The following ASS1 variants were observed in gnomAD, a reference collection of about 807,000 sequenced individuals.
ASS1 encodes argininosuccinate synthase.
A neutral mutation model predicts 60.5 loss-of-function variants in ASS1; 58 were observed. The ratio of observed to expected loss-of-function variants is 0.96; its 90% CI spans 0.78 to 1.19. The LOEUF (loss-of-function observed/expected upper bound fraction) is 1.19, where lower values mean the gene tolerates loss of function less well. Among genes scored for constraint, ASS1 ranks in the 50% most tolerant of loss-of-function variants. ASS1 has a pLI of 0.00. For missense variants in ASS1, 454 were observed against 547.3 expected (o/e 0.83, Z 1.70); for synonymous variants, 200 against 206.9 (o/e 0.97, Z 0.29).
chr9:130,498,746 G>A (rs912883627), intron 13 of ASS1, among the ~76,000 whole-genome samples: 7 of 152,180 alleles, frequency 4.6e-5, no homozygotes, highest in Admixed American at 1.3e-4. Flanking sequence ...CTCTGGTGGC[G>A]GGTGGCGGAA....
chr9:130,464,038 G>C, intron 4 of ASS1, 73 bp from the exon 5 acceptor site: 1 of 1,542,654 alleles, frequency 6.5e-7, no homozygotes, highest in Non-Finnish European at 9.0e-7. Context: ...GGCTGTCCTT[G>C]TCCTCACGTC....
At chr9:130,480,485 G>T in intron 11 of ASS1, 36 bp downstream of exon 11, 1 of 1,609,448 alleles carries the variant, frequency 6.2e-7, no homozygotes. Flanking sequence ...GCCTGCCTCG[G>T]GACCCAGCAA....
At chr9:130,473,416 G>A (rs1845921815) in intron 8 of ASS1, among the ~76,000 whole-genome samples, 1 of 152,128 alleles carries the variant, frequency 6.6e-6, no homozygotes, top group African/African-American at 2.4e-5. Flanking sequence ...GGCTGGGCTG[G>A]GCTAAGCTGG....
At chr9:130,479,149 G>A (rs567437977) in intron 9 of ASS1, among the ~76,000 whole-genome samples, 11 of 146,688 alleles carry the variant, frequency 7.5e-5, no homozygotes, top group South Asian at 2.4e-4. Context: ...CCAGCTCCTC[G>A]GATTCAGGGA....
In ASS1 at chr9:130,494,489, TC is replaced by T. The variant is rs1308076026; in HGVS notation, c.971-373del. ...TGAGTCCTGTCTGAGGTCTTCTGCC[TC>T]CCCCGGAGATTAGAGCCTCCATTGG... On this transcript the variant is annotated intron_variant, in intron 12 of 14. Transcript: ENST00000352480. The surrounding 1 kb of genome is among the most constrained non-coding windows in gnomAD (Gnocchi z 4.3). Among the ~76,000 whole-genome samples the T allele has an allele frequency of 3.2e-4, 49 of 152,152 alleles. 1 individual carries two copies. The highest frequency in any genetic ancestry group is 3.1e-3 in the Admixed American group (48 of 15,268).
Position 130,466,206 on chromosome 9 carries a change from C to G in ASS1, c.421-519C>G, listed in dbSNP as rs143289668. Among the ~76,000 whole-genome samples the G allele has an allele frequency of 4.9e-3, 753 of 152,312 alleles. 5 individuals carry two copies. Among genetic ancestry groups the G allele is most frequent in the Middle Eastern group, 0.041 (12 of 294 alleles). On this transcript the variant is annotated intron_variant, in intron 5 of 14. Transcript: ENST00000352480. ...TTTTACCAGCTCAGGCCGAGGGGCT[C>G]AAGGGGAATGAGCTTGGTCCCTCAG... is the stretch of plus-strand genomic sequence containing the variant.
In ASS1 at chr9:130,494,772, G is replaced by C; in HGVS notation, c.971-95G>C. On this transcript the variant is annotated intron_variant, in intron 12 of 14. Coordinates refer to ENST00000352480, the MANE Select transcript of ASS1 (RefSeq NM_054012.4). The surrounding 1 kb of genome is among the most constrained non-coding windows in gnomAD (Gnocchi z 4.3). ...AGGCAGTCATGGTCTGCATGGCGGG[G>C]TAAACCATGGGGCACCCTTCCTGTG... 1 of 1,523,594 alleles carries C rather than the reference G, an allele frequency of 6.6e-7. No individual in the cohort carries two copies. Among genetic ancestry groups the C allele is most frequent in the Non-Finnish European group, 9.1e-7 (1 of 1,103,262 alleles). 94.4% of individuals were successfully genotyped at this position (1,523,594 alleles called of 1,614,324 possible). A position where few individuals can be genotyped will look rare whatever the true frequency, so the allele number is the denominator to read the frequency against.
chr9:130,493,292 T>C (rs1321722430), intron 12 of ASS1, among the ~76,000 whole-genome samples: 1 of 152,198 alleles, frequency 6.6e-6, no homozygotes, highest in Admixed American at 6.5e-5. Context: ...GCACAGAGCA[T>C]CATGTTCAAA....
intron 1 of ASS1, among the ~76,000 whole-genome samples, chr9:130,446,329 C>T (rs1452315624): frequency 1.3e-5 from 2 of 152,256 alleles, no homozygotes; most frequent in Middle Eastern, 3.4e-3. Context: ...AGCAGCCACA[C>T]GGACTGGGAA....
chr9:130,459,343 T>C lies in ASS1; in HGVS notation c.363+754T>C, dbSNP rs1845528427. 6.6e-6 allele frequency among the ~76,000 whole-genome samples: 1 copy of C among 152,064 alleles called. No homozygotes were observed. Among genetic ancestry groups the C allele is most frequent in the African/African-American group, 2.4e-5 (1 of 41,392 alleles). On this transcript the variant is annotated intron_variant, in intron 4 of 14. Transcript: ENST00000352480. The surrounding 1 kb of genome is among the most constrained non-coding windows in gnomAD (Gnocchi z 4.6). ...CTGTATCTCTGCATTGTCTTCCCTC[T>C]GCTTGTCTGTTTACCTTCCCCTTGC...
rs1236332944 is a variant in ASS1 at position 130,491,529 on chromosome 9, C to CG, written c.970+2069dup. 2.6e-5 allele frequency among the ~76,000 whole-genome samples: 4 copies of CG among 152,186 alleles called. No homozygotes were observed. Among genetic ancestry groups the CG allele is most frequent in the South Asian group, 4.1e-4 (2 of 4,832 alleles). On this transcript the variant is annotated intron_variant, in intron 12 of 14. Transcript: ENST00000352480. This position sits in a 1 kb window ranked among gnomAD's most constrained non-coding sequence, Gnocchi z 5.3. ...TGGCTGGTGATGGGCAGCTTTGAGC[C>CG]GGGGACAGGCCAGCTGTAGCGGCCA...
chr9:130,469,101 G>A (rs1277420928), intron 6 of ASS1, among the ~76,000 whole-genome samples: 1 of 152,208 alleles, frequency 6.6e-6, no homozygotes, highest in Non-Finnish European at 1.5e-5. Context: ...GCTCCACGGA[G>A]CCTGGCCGGC....
In ASS1 at chr9:130,470,967, C is replaced by G; in HGVS notation, c.566+63C>G. Reference sequence around the variant, plus strand: ...GCTCATTCCAAAGGACGGCCACGCGCTGCCCCAGGACGTCCTGGTGACCCC... The same window carrying G: ...GCTCATTCCAAAGGACGGCCACGCGGTGCCCCAGGACGTCCTGGTGACCCC... On this transcript the variant is annotated intron_variant, in intron 7 of 14. Coordinates refer to ENST00000352480, the MANE Select transcript of ASS1 (RefSeq NM_054012.4). The surrounding 1 kb of genome is among the most constrained non-coding windows in gnomAD (Gnocchi z 4.3). 1 of 1,567,734 alleles carries G rather than the reference C, an allele frequency of 6.4e-7. No homozygotes were observed. The highest frequency in any genetic ancestry group is 8.8e-7 in the Non-Finnish European group (1 of 1,139,328).
intron 11 of ASS1, among the ~76,000 whole-genome samples, chr9:130,481,931 T>C (rs1185209964): frequency 2.0e-5 from 3 of 152,176 alleles, no homozygotes; most frequent in Admixed American, 2.0e-4. Context: ...CTCTTACCTA[T>C]ATTAACATGT....
At position 130,480,438 on chromosome 9, in the gene ASS1, T is replaced by C. The variant is rs1365759588; in HGVS notation, c.827T>C (p.Met276Thr). 1 of 1,614,104 alleles carries C rather than the reference T, an allele frequency of 6.2e-7. No homozygotes were observed. Among genetic ancestry groups the C allele is most frequent in the South Asian group, 1.1e-5 (1 of 91,084 alleles). ...IDIVENRFIG[M>T]KSRGIYETPA... Reference sequence around the variant, plus strand: ...ATCGTGGAGAACCGCTTCATTGGAATGAAGTCCCGAGGTGAGTCTGCTCAG... The same window carrying C: ...ATCGTGGAGAACCGCTTCATTGGAACGAAGTCCCGAGGTGAGTCTGCTCAG... Residue 276 changes from methionine to threonine, a missense_variant, in exon 11 of 15, where the codon ATG becomes ACG. By Grantham distance (81) the Met-to-Thr change is moderately conservative. Transcript: ENST00000352480.
In ASS1 at chr9:130,471,578, A is replaced by T. The variant is rs567075493; in HGVS notation, c.597+63A>T. 7.8e-6 allele frequency: 12 copies of T among 1,547,190 alleles called. No homozygotes were observed. The South Asian group carries it at 8.9e-5, about 12-fold the overall frequency. ...CTTTGGTGGTAGCAGCTCCATGCCGATGCTGTCTGATGTATTTATAGCCTA... is the reference window on the plus strand; with the variant it reads ...CTTTGGTGGTAGCAGCTCCATGCCGTTGCTGTCTGATGTATTTATAGCCTA... On this transcript the variant is annotated intron_variant, in intron 8 of 14. Transcript: ENST00000352480.
At chr9:130,496,635 C>T (rs920347367) in intron 13 of ASS1, among the ~76,000 whole-genome samples, 2 of 150,540 alleles carry the variant, frequency 1.3e-5, no homozygotes, top group Non-Finnish European at 3.0e-5. Context: ...CAACTGGAAC[C>T]ATGAGATTTC....
intron 8 of ASS1, among the ~76,000 whole-genome samples, chr9:130,471,976 G>A (rs1036275322): frequency 6.6e-6 from 1 of 152,110 alleles, no homozygotes; most frequent in African/African-American, 2.4e-5. Context: ...CGCCACCACC[G>A]GCCACCCTGA....
At chr9:130,480,285 G>A (rs895758735) in intron 10 of ASS1, 100 bp from the exon 11 acceptor site, 15 of 1,287,212 alleles carry the variant, frequency 1.2e-5, no homozygotes, top group African/African-American at 4.4e-5. Context: ...GCTGCCTAAT[G>A]TGTGGCCTAA....
Sources: allele counts gnomAD v4.1 joint callset (sites outside exome capture counted in the v4.1 genomes callset), GRCh38; gene constraint gnomAD v4.1.1; non-coding constraint Gnocchi (gnomAD v3.1); transcripts MANE v1.5; gene names NCBI Gene and HGNC (gene_info 2026-07-23, HGNC 2026-07-21).